Variants in POLR3GL observed in about 807,000 individuals in gnomAD.
POLR3GL encodes the protein DNA-directed RNA polymerase III subunit RPC7-like.
POLR3GL carries 26 observed loss-of-function variants against 32.4 expected under a neutral mutation model. That is an observed-to-expected ratio of 0.80 (90% CI 0.59 to 1.11). The LOEUF is 1.11. Among genes scored for constraint, POLR3GL ranks in the 50% most tolerant of loss-of-function variants. The pLI is 0.00. For synonymous variants in POLR3GL, 95 were observed against 98.7 expected (o/e 0.96, Z 0.22); for missense variants, 229 against 280.1 (o/e 0.82, Z 1.30).
intron 2 of POLR3GL, 112 bp downstream of exon 2, chr1:145,975,103 A>G (rs116152536): frequency 3.7e-6 from 5 of 1,365,280 alleles, no homozygotes; most frequent in African/African-American, 2.9e-5. Flanking sequence ...CCCTCTCTCT[A>G]TACTCCCAAT....
chr1:145,977,545 T>C lies in POLR3GL; in HGVS notation c.382+6T>C, dbSNP rs1553763650. 8 of 1,613,350 alleles carry C rather than the reference T, an allele frequency of 5.0e-6. No homozygotes were observed. The highest frequency in any genetic ancestry group is 1.7e-6 in the Non-Finnish European group (2 of 1,179,516). On this transcript the variant is annotated splice_donor_region_variant and intron_variant, in intron 5 of 7. Coordinates refer to ENST00000369314, the MANE Select transcript of POLR3GL (RefSeq NM_032305.3). ...GCGGAAGCTACAGAAGGAACGTGAGTGTATCTGGAAAAAAGGAGGGAGAAG... is the reference window on the plus strand; with the variant it reads ...GCGGAAGCTACAGAAGGAACGTGAGCGTATCTGGAAAAAAGGAGGGAGAAG...
intron 1 of POLR3GL, among the ~76,000 whole-genome samples, chr1:145,967,042 C>T (rs1482700361): frequency 2.6e-5 from 4 of 152,038 alleles, no homozygotes; most frequent in African/African-American, 7.2e-5. Flanking sequence ...AATTGCTCCC[C>T]TTGAAATATT....
rs782173001 is a variant in POLR3GL, at chr1:145,978,444, C to T, written c.654C>T (p.Tyr218=). 48 of 1,587,608 alleles carry T rather than the reference C, an allele frequency of 3.0e-5. No individual in the cohort carries two copies. Among genetic ancestry groups the T allele is most frequent in the Non-Finnish European group, 4.0e-5 (46 of 1,156,588 alleles). ...ATGACAATATGGACGAGGCTATATA[C>T]TGAAGAAGGACTCTGGACCCTCGTG... ...DSDDNMDEAI[Y] is the part of the protein sequence containing the mutation. Residue 218 remains tyrosine (Y), a synonymous_variant, in exon 8 of 8, where the codon TAC becomes TAT. Transcript: ENST00000369314.
chr1:145,971,981 AAAAAAAAAATATAT>A (rs1650330443), intron 1 of POLR3GL, among the ~76,000 whole-genome samples: 1 of 127,432 alleles, frequency 7.8e-6, no homozygotes, highest in African/African-American at 3.3e-5. Context: ...AAAAAAAAAA[AAAAAAAAAATATAT>A]ATATATATAT....
intron 3 of POLR3GL, among the ~76,000 whole-genome samples, chr1:145,976,796 C>A (rs1272834742): frequency 5.3e-5 from 8 of 150,672 alleles, no homozygotes; most frequent in African/African-American, 2.0e-4. Flanking sequence ...GCCTGTAGTC[C>A]CAGCTACTCA....
intron 1 of POLR3GL, among the ~76,000 whole-genome samples, chr1:145,966,163 G>A (rs1650016452): frequency 6.7e-6 from 1 of 149,950 alleles, no homozygotes; most frequent in African/African-American, 2.5e-5. Context: ...CTTTTACAGT[G>A]GAATTGGTAG....
chr1:145,973,852 G>A (rs1650433914), intron 1 of POLR3GL, among the ~76,000 whole-genome samples: 1 of 151,298 alleles, frequency 6.6e-6, no homozygotes, highest in South Asian at 2.1e-4. Context: ...GCTTCCAAGT[G>A]GTGTTTAAAA....
intron 1 of POLR3GL, among the ~76,000 whole-genome samples, chr1:145,968,512 C>T (rs1245610064): frequency 6.6e-6 from 1 of 151,998 alleles, no homozygotes; most frequent in Non-Finnish European, 1.5e-5. Flanking sequence ...TGGAAAGATA[C>T]TTAACCAGCT....
At chr1:145,974,792 A>C (rs1209563715) in intron 1 of POLR3GL, 33 bp from the exon 2 acceptor site, 2 of 1,370,278 alleles carry the variant, frequency 1.5e-6, no homozygotes, top group Non-Finnish European at 1.9e-6. Context: ...ATTCTACTAC[A>C]TTTCTTTTTC....
chr1:145,970,345 T>A (rs1650221252), intron 1 of POLR3GL, among the ~76,000 whole-genome samples: 1 of 152,036 alleles, frequency 6.6e-6, no homozygotes, highest in Non-Finnish European at 1.5e-5. Context: ...GGAATCTCAC[T>A]ATGTTGCCCC....
chr1:145,971,837 C>T (rs1284810628), intron 1 of POLR3GL, among the ~76,000 whole-genome samples: 1 of 149,354 alleles, frequency 6.7e-6, no homozygotes, highest in South Asian at 2.1e-4. Context: ...TAGTGGCGTG[C>T]GCCCGTAATC....
In POLR3GL at chr1:145,978,606, C is replaced by T; in HGVS notation, c.*159C>T. 1 of 638,122 alleles carries T rather than the reference C, an allele frequency of 1.6e-6. No homozygotes were observed. Among genetic ancestry groups the T allele is most frequent in the Non-Finnish European group, 2.8e-6 (1 of 353,006 alleles). 39.5% of individuals were successfully genotyped at this position (638,122 alleles called of 1,614,324 possible). Reference sequence around the variant, plus strand: ...GGATGATGACAGTTTATTTTCTACACTTCCCCTCCTTCCACATTTGTATCA... The same window carrying T: ...GGATGATGACAGTTTATTTTCTACATTTCCCCTCCTTCCACATTTGTATCA... On this transcript the variant is annotated 3_prime_UTR_variant, in exon 8 of 8. Transcript: ENST00000369314.
In POLR3GL at chr1:145,970,749, T is replaced by A. The variant is rs1346838694; in HGVS notation, c.-41-4076T>A. Among the ~76,000 whole-genome samples, 4 of 150,250 alleles carry A rather than the reference T, an allele frequency of 2.7e-5. No individual in the cohort carries two copies. The East Asian group carries it at 7.9e-4, about 30-fold the overall frequency. On this transcript the variant is annotated intron_variant, in intron 1 of 7. Transcript: ENST00000369314. ...AAATTAGCCGGGCACGGTGGCGGGC[T>A]CCTGTAATCCCAACTACTCGGGAGG...
At chr1:145,967,006 T>C (rs1650067304) in intron 1 of POLR3GL, among the ~76,000 whole-genome samples, 1 of 152,126 alleles carries the variant, frequency 6.6e-6, no homozygotes, top group Admixed American at 6.6e-5. Context: ...TATAAACATT[T>C]CAAAGGCTGT....
At position 145,978,553 on chromosome 1, in the gene POLR3GL, CT is replaced by C; in HGVS notation, c.*107del. 1 of 774,706 alleles carries C rather than the reference CT, an allele frequency of 1.3e-6. No homozygotes were observed. The highest frequency in any genetic ancestry group is 2.2e-5 in the Admixed American group (1 of 46,104). The allele number at this position is 774,706 out of a possible 1,614,324, so 48.0% of individuals were successfully genotyped here. ...ATCATTTGGTCAGAGTTCATATAAT[CT>C]GTCTGTTCCCTGGAGATGGGAATAG... On this transcript the variant is annotated 3_prime_UTR_variant, in exon 8 of 8. Transcript: ENST00000369314.
rs36126138 is a variant in POLR3GL at position 145,971,185 on chromosome 1, C to CAAA, written c.-41-3620_-41-3618dup. ...GGGCAACAAGAGCGAAACTCCATCTCAAAAAAAAAAAAAAAAAAAAAATTG... is the reference window on the plus strand; with the variant it reads ...GGGCAACAAGAGCGAAACTCCATCTCAAAAAAAAAAAAAAAAAAAAAAAAATTG... On this transcript the variant is annotated intron_variant, in intron 1 of 7. Coordinates refer to ENST00000369314, the MANE Select transcript of POLR3GL (RefSeq NM_032305.3). Among the ~76,000 whole-genome samples, 277 of 88,938 alleles carry CAAA rather than the reference C, an allele frequency of 3.1e-3. 4 individuals are homozygous for CAAA. Among genetic ancestry groups the CAAA allele is most frequent in the African/African-American group, 8.9e-3 (187 of 20,962 alleles). The allele number at this position is 88,938 out of a possible 152,430, so 58.3% of individuals were successfully genotyped here.
chr1:145,966,422 A>G (rs1553762063), intron 1 of POLR3GL, among the ~76,000 whole-genome samples: 1 of 148,942 alleles, frequency 6.7e-6, no homozygotes, highest in Non-Finnish European at 1.5e-5. Flanking sequence ...TCGAGGCTGC[A>G]GTGAGCCAAA....
At position 145,978,609 on chromosome 1, in the gene POLR3GL, C is replaced by A. The variant is rs944707789; in HGVS notation, c.*162C>A. On this transcript the variant is annotated 3_prime_UTR_variant, in exon 8 of 8. Coordinates refer to ENST00000369314, the MANE Select transcript of POLR3GL (RefSeq NM_032305.3). ...TGATGACAGTTTATTTTCTACACTT[C>A]CCCTCCTTCCACATTTGTATCACCT... is the stretch of plus-strand genomic sequence containing the variant. 1 of 635,884 alleles carries A rather than the reference C, an allele frequency of 1.6e-6. No individual in the cohort carries two copies. Among genetic ancestry groups the A allele is most frequent in the Non-Finnish European group, 2.8e-6 (1 of 351,718 alleles). 39.4% of individuals were successfully genotyped at this position (635,884 alleles called of 1,614,324 possible). A position where few individuals can be genotyped will look rare whatever the true frequency, so the allele number is the denominator to read the frequency against.
chr1:145,975,463 C>G, intron 3 of POLR3GL, 27 bp downstream of exon 3: 1 of 1,607,394 alleles, frequency 6.2e-7, no homozygotes, highest in East Asian at 2.2e-5. Flanking sequence ...GCATCATATT[C>G]TGAGTGCCTT....
Sources: gnomAD v4.1 joint callset for allele counts (sites outside exome capture counted in the v4.1 genomes callset) on GRCh38, gnomAD v4.1.1 for gene constraint, MANE v1.5 for transcripts, NCBI Gene and HGNC (gene_info 2026-07-23, HGNC 2026-07-21) for gene names.